Variants in PKHD1 observed in about 807,000 individuals in gnomAD.
The protein encoded by PKHD1 is PKHD1 ciliary IPT domain containing fibrocystin/polyductin, also known as fibrocystin.
Under a neutral mutation model 412.0 loss-of-function variants are expected in PKHD1, and 291 were observed. That is an observed-to-expected ratio of 0.71 (90% CI 0.64 to 0.78). The LOEUF (loss-of-function observed/expected upper bound fraction) is 0.78. Ranked by LOEUF, PKHD1 falls within the 30% of genes least tolerant of loss-of-function variation. The pLI, the probability that PKHD1 is intolerant of heterozygous loss-of-function variation, is 0.00. For missense variants in PKHD1, 4,825 were observed against 4,950.7 expected, an observed-to-expected ratio of 0.97 and a Z score of 0.76; for synonymous variants, 1,777 against 1,821.5, an observed-to-expected ratio of 0.98 and a Z score of 0.62.
Position 52,025,430 on chromosome 6 carries a change from G to A in PKHD1, c.4380C>T (p.Asn1460=), listed in dbSNP as rs371934160. The A allele has an allele frequency of 3.4e-5, 54 of 1,606,786 alleles. No homozygotes were observed. Among genetic ancestry groups the A allele is most frequent in the Middle Eastern group, 1.7e-4 (1 of 6,050 alleles). Residue 1460 remains asparagine, a synonymous_variant, in exon 32 of 67, where the codon AAC becomes AAT. Coordinates refer to ENST00000371117, the MANE Select transcript of PKHD1 (RefSeq NM_138694.4). Reference sequence around the variant, plus strand: ...TTAGCCCATTGACCAGGACTGTGACGTTCAGGGAGAAGGAAGCTCCAGGCA... The same window carrying A: ...TTAGCCCATTGACCAGGACTGTGACATTCAGGGAGAAGGAAGCTCCAGGCA... The part of the protein sequence containing the change: ...DPLPGASFSL[N]VTVLVNGLTS...
intron 28 of PKHD1, among the ~76,000 whole-genome samples, chr6:52,035,367 G>C (rs1048253152): frequency 6.6e-6 from 1 of 152,166 alleles, no homozygotes; most frequent in Non-Finnish European, 1.5e-5. Context: ...GAACTGCCTG[G>C]TTGTCTTCTT....
intron 50 of PKHD1, among the ~76,000 whole-genome samples, chr6:51,839,545 A>G (rs993508395): frequency 6.6e-6 from 1 of 152,190 alleles, no homozygotes; most frequent in Non-Finnish European, 1.5e-5. Context: ...AAAGAGAGTT[A>G]CTAAAGTAGA....
Position 51,626,993 on chromosome 6 carries a change from T to C in PKHD1, c.11785+4A>G, listed in dbSNP as rs1486975124. 1 of 1,613,094 alleles carries C rather than the reference T, an allele frequency of 6.2e-7. No homozygotes were observed. Among genetic ancestry groups the C allele is most frequent in the Non-Finnish European group, 8.5e-7 (1 of 1,179,310 alleles). On this transcript the variant is annotated splice_donor_region_variant and intron_variant, in intron 66 of 66. Transcript: ENST00000371117. ...TGGGGATCATCTCCACCCTCCAAGC[T>C]TACCTTCTCCCACCACAGTGTCTTC...
chr6:51,700,604 C>T (rs1487205399), intron 60 of PKHD1, among the ~76,000 whole-genome samples: 1 of 152,016 alleles, frequency 6.6e-6, no homozygotes, highest in African/African-American at 2.4e-5. Context: ...TTTACTGCAC[C>T]CCAGCCCCTC....
intron 35 of PKHD1, among the ~76,000 whole-genome samples, chr6:51,984,257 ATTC>A (rs1795943908): frequency 1.3e-5 from 2 of 152,252 alleles, no homozygotes; most frequent in Non-Finnish European, 2.9e-5. Context: ...GATTGCATGG[ATTC>A]TTCTTAGCTA....
intron 35 of PKHD1, among the ~76,000 whole-genome samples, chr6:51,971,816 G>A (rs879634842): frequency 3.3e-5 from 5 of 151,860 alleles, no homozygotes; most frequent in African/African-American, 4.8e-5. Flanking sequence ...CTGCAGACTC[G>A]ACCTCCTGGG....
At chr6:51,755,153 A>G (rs911051440) in intron 55 of PKHD1, among the ~76,000 whole-genome samples, 14 of 152,188 alleles carry the variant, frequency 9.2e-5, no homozygotes, top group African/African-American at 3.4e-4. Context: ...TATGTTACAG[A>G]GACAGTGAAG....
chr6:52,065,261 T>C (rs1582060029), intron 12 of PKHD1, among the ~76,000 whole-genome samples: 1 of 149,692 alleles, frequency 6.7e-6, no homozygotes, highest in East Asian at 2.0e-4. Flanking sequence ...GACAGGCTCC[T>C]ATTCTAAGGC....
At chr6:51,679,849 A>G (rs1034549146) in intron 60 of PKHD1, among the ~76,000 whole-genome samples, 1 of 151,934 alleles carries the variant, frequency 6.6e-6, no homozygotes, top group Non-Finnish European at 1.5e-5. Flanking sequence ...TCATTTCTCC[A>G]CCCTTCCTCT....
chr6:51,945,480 C>T (rs1789318475), intron 36 of PKHD1, among the ~76,000 whole-genome samples: 2 of 152,192 alleles, frequency 1.3e-5, no homozygotes, highest in Non-Finnish European at 2.9e-5. Context: ...AACTCTAGAA[C>T]ACTTGACGTC....
In PKHD1 at chr6:51,912,498, G is replaced by C; in HGVS notation, c.6200C>G (p.Ala2067Gly). Reference protein sequence around the residue: ...ALDTVLALEDAVDWNPGDEVV... With the variant: ...ALDTVLALEDGVDWNPGDEVV... ...TTCATCCCCAGGGTTCCAGTCCACA[G>C]CATCTTCTAAAGCCAGCACTGTGTC... The change falls in exon 38 of 67, where the codon GCT becomes GGT. Residue 2067 changes from alanine to glycine, a missense_variant. Ala to Gly is a moderately conservative substitution (Grantham distance 60). Transcript: ENST00000371117. The C allele has an allele frequency of 6.2e-7, 1 of 1,613,152 alleles. No homozygotes were observed. Among genetic ancestry groups the C allele is most frequent in the Non-Finnish European group, 8.5e-7 (1 of 1,179,276 alleles).
chr6:51,977,458 C>G (rs867068205), intron 35 of PKHD1, among the ~76,000 whole-genome samples: 1 of 152,214 alleles, frequency 6.6e-6, no homozygotes, highest in East Asian at 1.9e-4. Context: ...TCGAGAACAG[C>G]CTTTCACCCC....
In PKHD1 at chr6:51,791,320, T is replaced by C. The variant is rs762313489; in HGVS notation, c.8356A>G (p.Met2786Val). The change falls in exon 53 of 67, where the codon ATG (methionine) becomes GTG (valine). Residue 2786 changes from methionine to valine, a missense_variant. Coordinates refer to ENST00000371117, the MANE Select transcript of PKHD1 (RefSeq NM_138694.4). ...TCCACAGGGAAGTCTAAGGTCCCCA[T>C]CACATACAGCCCTTTGAAGAATGGA... is the stretch of plus-strand genomic sequence containing the variant. The part of the protein sequence containing the change: ...DLPFFKGLYV[M>V]GTLDFPVDRS... 4 of 1,613,388 alleles carry C rather than the reference T, an allele frequency of 2.5e-6. No individual in the cohort carries two copies. The Admixed American group carries it at 6.7e-5, about 27-fold the overall frequency.
chr6:51,989,927 G>GGAAGGAAA (rs1796747914), intron 35 of PKHD1, among the ~76,000 whole-genome samples: 2 of 104,626 alleles, frequency 1.9e-5, no homozygotes, highest in Non-Finnish European at 4.0e-5. Flanking sequence ...AAGGAAGGAA[G>GGAAGGAAA]GAAGGAAAGA....
At chr6:51,662,080 A>G (rs916830713) in intron 60 of PKHD1, among the ~76,000 whole-genome samples, 2 of 151,982 alleles carry the variant, frequency 1.3e-5, no homozygotes, top group Admixed American at 1.3e-4. Flanking sequence ...AAACTATAAA[A>G]TATTTAAAAC....
intron 11 of PKHD1, among the ~76,000 whole-genome samples, chr6:52,069,150 T>G (rs1223085271): frequency 6.6e-6 from 1 of 152,216 alleles, no homozygotes; most frequent in Non-Finnish European, 1.5e-5. Context: ...GCTTTAAGAC[T>G]TTTTAAGTGC....
At chr6:52,076,139 A>G in intron 6 of PKHD1, 137 bp downstream of exon 6, 1 of 705,794 alleles carries the variant, frequency 1.4e-6, no homozygotes, top group Non-Finnish European at 2.6e-6. Flanking sequence ...AATGAACCAG[A>G]GGTTGACTCT....
chr6:51,822,643 C>T (rs184636134), intron 52 of PKHD1, among the ~76,000 whole-genome samples: 9 of 152,284 alleles, frequency 5.9e-5, no homozygotes, highest in Admixed American at 5.9e-4. Flanking sequence ...ATTGGCCTTC[C>T]TTTCAATCTT....
intron 52 of PKHD1, among the ~76,000 whole-genome samples, chr6:51,816,024 G>T (rs1765405803): frequency 6.6e-6 from 1 of 152,020 alleles, no homozygotes; most frequent in African/African-American, 2.4e-5. Context: ...ACAGTAATAT[G>T]ATATTAAAAC....
Sources: allele counts gnomAD v4.1 joint callset (sites outside exome capture counted in the v4.1 genomes callset), GRCh38; gene constraint gnomAD v4.1.1; transcripts MANE v1.5; gene names NCBI Gene and HGNC (gene_info 2026-07-23, HGNC 2026-07-21).